Variants in TAFA1 observed in about 807,000 individuals in gnomAD.
TAFA1 encodes TAFA chemokine like family member 1.
TAFA1 carries 4 observed loss-of-function variants against 18.5 expected under a neutral mutation model. That is an observed-to-expected ratio of 0.22 (90% CI 0.11 to 0.49). The LOEUF is 0.49. Among genes scored for constraint, TAFA1 ranks in the 20% least tolerant of loss-of-function variants. The probability of loss-of-function intolerance (pLI) is 0.98; values close to 1 mark genes in which losing one functional copy is unlikely to be tolerated. For missense variants in TAFA1, 147 were observed against 169.0 expected (o/e 0.87, Z 0.72); for synonymous variants, 56 against 55.2 (o/e 1.01, Z -0.06).
chr3:68,452,256 C>T (rs2071577240), intron 3 of TAFA1, among the ~76,000 whole-genome samples: 1 of 151,960 alleles, frequency 6.6e-6, no homozygotes, highest in South Asian at 2.1e-4. Flanking sequence ...GGCGCCGTGG[C>T]TCACATCTGT....
At chr3:68,066,895 T>A (rs752195435) in intron 2 of TAFA1, among the ~76,000 whole-genome samples, 10 of 152,124 alleles carry the variant, frequency 6.6e-5, no homozygotes, top group Non-Finnish European at 1.2e-4. Flanking sequence ...TGCCTCTATT[T>A]CTCTGTCAGG....
intron 2 of TAFA1, among the ~76,000 whole-genome samples, chr3:68,137,804 C>T (rs2065625217): frequency 6.6e-6 from 1 of 152,102 alleles, no homozygotes; most frequent in African/African-American, 2.4e-5. Context: ...TTAAACTTGG[C>T]CTTTTCCCAT....
intron 2 of TAFA1, among the ~76,000 whole-genome samples, chr3:68,302,177 T>C (rs2068317082): frequency 6.6e-6 from 1 of 152,330 alleles, no homozygotes; most frequent in African/African-American, 2.4e-5. Context: ...AAAGTAATAA[T>C]TACATTAAAT....
At chr3:68,341,095 A>C (rs1399236563) in intron 2 of TAFA1, among the ~76,000 whole-genome samples, 1 of 152,218 alleles carries the variant, frequency 6.6e-6, no homozygotes, top group Non-Finnish European at 1.5e-5. Context: ...GACAGAGCTG[A>C]TGTATCAAGA....
At chr3:67,995,167 G>A in the TAFA1 span, among the ~76,000 whole-genome samples, 4 of 152,178 alleles carry the variant, frequency 2.6e-5, no homozygotes, top group African/African-American at 9.7e-5. Flanking sequence ...TAAACACAGA[G>A]AACATATCTC....
At chr3:68,064,173 T>C (rs2064643177) in intron 2 of TAFA1, among the ~76,000 whole-genome samples, 1 of 152,078 alleles carries the variant, frequency 6.6e-6, no homozygotes, top group Non-Finnish European at 1.5e-5. Flanking sequence ...AAAAACGTGA[T>C]GAGGTGGGAA....
At chr3:68,199,769 T>C (rs1009764515) in intron 2 of TAFA1, among the ~76,000 whole-genome samples, 3 of 151,558 alleles carry the variant, frequency 2.0e-5, no homozygotes, top group African/African-American at 7.2e-5. Flanking sequence ...TTTTGGATTT[T>C]CTACATAATC....
intron 2 of TAFA1, among the ~76,000 whole-genome samples, chr3:68,020,504 C>T (rs1473209890): frequency 6.6e-6 from 1 of 151,778 alleles, no homozygotes; most frequent in Non-Finnish European, 1.5e-5. Flanking sequence ...GTTTGTTCTA[C>T]ACTTGCCATA....
At chr3:68,189,524 C>T (rs536275838) in intron 2 of TAFA1, among the ~76,000 whole-genome samples, 21 of 151,852 alleles carry the variant, frequency 1.4e-4, no homozygotes, top group Non-Finnish European at 2.8e-4. Context: ...ATCTTGATTT[C>T]ATGGCCTCAT....
chr3:68,320,272 C>T (rs1310205839), intron 2 of TAFA1, among the ~76,000 whole-genome samples: 6 of 152,216 alleles, frequency 3.9e-5, no homozygotes, highest in Non-Finnish European at 5.9e-5. Flanking sequence ...TTCCTTGTAT[C>T]TTCCCCTCCA....
chr3:68,191,054 T>G (rs1345654027), intron 2 of TAFA1, among the ~76,000 whole-genome samples: 2 of 151,778 alleles, frequency 1.3e-5, no homozygotes, highest in Admixed American at 1.3e-4. Context: ...TCAGCTGGTC[T>G]TGGGTGGGGA....
chr3:68,540,013 G>A (rs913786429), intron 4 of TAFA1, among the ~76,000 whole-genome samples: 1 of 152,050 alleles, frequency 6.6e-6, no homozygotes, highest in Non-Finnish European at 1.5e-5. Flanking sequence ...GTATTTGAAA[G>A]GATGTCTCTG....
chr3:68,300,993 CTAATA>C (rs1331219807), intron 2 of TAFA1, among the ~76,000 whole-genome samples: 1 of 152,048 alleles, frequency 6.6e-6, no homozygotes, highest in Non-Finnish European at 1.5e-5. Flanking sequence ...TGAGAACAGA[CTAATA>C]TAATAGGTCT....
At chr3:68,480,816 C>G (rs2072220721) in intron 3 of TAFA1, among the ~76,000 whole-genome samples, 1 of 152,100 alleles carries the variant, frequency 6.6e-6, no homozygotes, top group African/African-American at 2.4e-5. Flanking sequence ...AATTGTAGCT[C>G]CCATAATTCC....
chr3:68,509,382 A>T (rs576318577), intron 3 of TAFA1, among the ~76,000 whole-genome samples: 1 of 152,250 alleles, frequency 6.6e-6, no homozygotes, highest in Admixed American at 6.6e-5. Context: ...GATTTCCGTC[A>T]TGGTCTTGTC....
intron 2 of TAFA1, among the ~76,000 whole-genome samples, chr3:68,383,057 C>G (rs150587169): frequency 6.6e-6 from 1 of 152,168 alleles, no homozygotes; most frequent in East Asian, 1.9e-4. Context: ...GATTTTGTAT[C>G]CTGAGACTTA....
chr3:68,401,658 A>G (rs2070495558), intron 2 of TAFA1, among the ~76,000 whole-genome samples: 1 of 152,166 alleles, frequency 6.6e-6, no homozygotes, highest in Non-Finnish European at 1.5e-5. Flanking sequence ...CCAAGAATAA[A>G]TGTTCTGCAT....
intron 1 of TAFA1, chr3:68,006,094 T>A (rs1232820649): frequency 1.3e-5 from 2 of 153,686 alleles, no homozygotes; most frequent in East Asian, 3.8e-4. Flanking sequence ...GTCAAAAGGA[T>A]CAGTTCTATC....
intron 3 of TAFA1, among the ~76,000 whole-genome samples, chr3:68,426,590 G>C (rs189410958): frequency 6.6e-6 from 1 of 151,932 alleles, no homozygotes; most frequent in African/African-American, 2.4e-5. Flanking sequence ...AGGCAGAGAT[G>C]AAAAGTTTGG....
Sources: allele counts gnomAD v4.1 joint callset (sites outside exome capture counted in the v4.1 genomes callset), GRCh38; gene constraint gnomAD v4.1.1; transcripts MANE v1.5; gene names NCBI Gene and HGNC (gene_info 2026-07-23, HGNC 2026-07-21).